Variants in NRXN1 observed in about 807,000 individuals in gnomAD.
NRXN1 encodes the protein neurexin 1.
Under a neutral mutation model 150.9 loss-of-function variants are expected in NRXN1, and 39 were observed. That is an observed-to-expected ratio of 0.26 (90% CI 0.20 to 0.34). The LOEUF is 0.34. Among genes scored for constraint, NRXN1 ranks in the 10% least tolerant of loss-of-function variants. The pLI is 1.00. For missense variants in NRXN1, 1,815 were observed against 1,949.9 expected (o/e 0.93, Z 1.30); for synonymous variants, 924 against 757.0 (o/e 1.22, Z -3.62).
intron 22 of NRXN1, among the ~76,000 whole-genome samples, chr2:49,938,540 G>A (rs537179869): frequency 6.6e-6 from 1 of 152,110 alleles, no homozygotes; most frequent in East Asian, 1.9e-4. Context: ...AATGACTAAT[G>A]AGATATTTTA....
chr2:50,054,755 C>G (rs191376563), intron 20 of NRXN1, among the ~76,000 whole-genome samples, 200 bp downstream of exon 20: 3 of 152,192 alleles, frequency 2.0e-5, no homozygotes, highest in Non-Finnish European at 2.9e-5. Context: ...GATTATTAAA[C>G]AGCTGGTACG....
intron 17 of NRXN1, among the ~76,000 whole-genome samples, chr2:50,375,886 C>T (rs1020669807): frequency 2.6e-5 from 4 of 151,520 alleles, no homozygotes; most frequent in South Asian, 2.1e-4. Context: ...TTTTAGGCTC[C>T]GAAATAAGAA....
At chr2:50,940,747 G>A (rs1457111866) in intron 2 of NRXN1, among the ~76,000 whole-genome samples, 1 of 152,030 alleles carries the variant, frequency 6.6e-6, no homozygotes, top group Non-Finnish European at 1.5e-5. Flanking sequence ...GTTTGGTTTT[G>A]TTTTGTTTTG....
At chr2:50,282,511 G>A (rs2071592415) in intron 17 of NRXN1, among the ~76,000 whole-genome samples, 1 of 151,908 alleles carries the variant, frequency 6.6e-6, no homozygotes, top group African/African-American at 2.4e-5. Context: ...CGTATACCTG[G>A]GTTCCACGGG....
chr2:50,583,990 T>C (rs985942924), intron 8 of NRXN1, among the ~76,000 whole-genome samples: 1 of 152,164 alleles, frequency 6.6e-6, no homozygotes, highest in East Asian at 1.9e-4. Flanking sequence ...GTTTGTTGAA[T>C]CACAACCATG....
At chr2:50,993,383 T>A (rs1473918838) in intron 2 of NRXN1, among the ~76,000 whole-genome samples, 1 of 151,924 alleles carries the variant, frequency 6.6e-6, no homozygotes, top group East Asian at 1.9e-4. Context: ...TTATAGTACT[T>A]TTTTATTTAT....
intron 15 of NRXN1, among the ~76,000 whole-genome samples, chr2:50,484,046 C>T (rs544781300): frequency 1.2e-4 from 18 of 152,254 alleles, no homozygotes; most frequent in African/African-American, 4.3e-4. Flanking sequence ...TAATACGTCT[C>T]TTTAATGTAG....
At chr2:50,205,568 T>C (rs1015022967) in intron 18 of NRXN1, among the ~76,000 whole-genome samples, 5 of 152,060 alleles carry the variant, frequency 3.3e-5, no homozygotes, top group Non-Finnish European at 5.9e-5. Flanking sequence ...TAAAATTCTA[T>C]GTTGTATAAG....
At chr2:49,928,898 G>A (rs983894640) in intron 22 of NRXN1, among the ~76,000 whole-genome samples, 1 of 152,018 alleles carries the variant, frequency 6.6e-6, no homozygotes. Context: ...GTACACTTAC[G>A]GAGGTCAGAC....
chr2:50,304,831 G>A (rs896117687), intron 17 of NRXN1, among the ~76,000 whole-genome samples: 3 of 151,998 alleles, frequency 2.0e-5, no homozygotes, highest in Admixed American at 6.6e-5. Context: ...GGTGGCTCAC[G>A]CTATAATCCC....
intron 5 of NRXN1, among the ~76,000 whole-genome samples, chr2:50,701,183 T>C (rs375931105): frequency 2.0e-5 from 3 of 152,140 alleles, no homozygotes; most frequent in Non-Finnish European, 2.9e-5. Context: ...ATTTCTACTA[T>C]CTAATTTTTT....
At chr2:50,006,396 C>T (rs1684771528) in intron 21 of NRXN1, among the ~76,000 whole-genome samples, 1 of 152,108 alleles carries the variant, frequency 6.6e-6, no homozygotes, top group East Asian at 1.9e-4. Context: ...GCTTAAAAAA[C>T]ATCAATTGCT....
rs753264637 is a variant in NRXN1 at position 50,620,073 on chromosome 2, G to T, written c.1269C>A (p.Ala423=). 1 of 1,612,152 alleles carries T rather than the reference G, an allele frequency of 6.2e-7. No individual in the cohort carries two copies. Among genetic ancestry groups the T allele is most frequent in the Admixed American group, 1.7e-5 (1 of 59,816 alleles). Residue 423 remains alanine, a synonymous_variant, in exon 8 of 23, where the codon GCC becomes GCA. Coordinates refer to ENST00000401669, the MANE Select transcript of NRXN1 (RefSeq NM_001330078.2). ...FFYVGGSPST[A]DLPGSPVSNN... ...TACTGACTGGTGACCCTGGAAGGTC[G>T]GCTGTGCTGGGACTGCCTCCAACAT... is the stretch of plus-strand genomic sequence containing the variant.
At chr2:50,170,752 C>G (rs2059978661) in intron 18 of NRXN1, among the ~76,000 whole-genome samples, 1 of 146,320 alleles carries the variant, frequency 6.8e-6, no homozygotes, top group South Asian at 2.2e-4. Context: ...CTCTCTCTGT[C>G]TGTCGTGTGT....
intron 2 of NRXN1, chr2:50,979,221 T>C (rs780181665): frequency 3.9e-6 from 2 of 514,614 alleles, no homozygotes; most frequent in South Asian, 2.8e-5. Context: ...CTCTGTGATA[T>C]GAGAAAAGAC....
chr2:50,736,560 C>T (rs868617629), intron 5 of NRXN1, among the ~76,000 whole-genome samples: 3 of 152,086 alleles, frequency 2.0e-5, no homozygotes, highest in East Asian at 3.9e-4. Context: ...ATCACGAGGG[C>T]GGTTTCCACC....
At position 51,028,342 on chromosome 2, in the gene NRXN1, C is replaced by A; in HGVS notation, c.-69G>T. ...GTCAAAATGGTCCTGGACACCGTGACGAAGAAATAAGGGTCCCGAGAGACA... is the reference window on the plus strand; with the variant it reads ...GTCAAAATGGTCCTGGACACCGTGAAGAAGAAATAAGGGTCCCGAGAGACA... On this transcript the variant is annotated 5_prime_UTR_variant, in exon 2 of 23. Coordinates refer to ENST00000401669, the MANE Select transcript of NRXN1 (RefSeq NM_001330078.2). 1 of 1,095,934 alleles carries A rather than the reference C, an allele frequency of 9.1e-7. No individual in the cohort carries two copies. The highest frequency in any genetic ancestry group is 3.2e-5 in the Admixed American group (1 of 30,906). The allele number at this position is 1,095,934 out of a possible 1,614,324, so 67.9% of individuals were successfully genotyped here.
chr2:50,460,116 C>T (rs532294635), intron 17 of NRXN1, among the ~76,000 whole-genome samples: 1 of 152,086 alleles, frequency 6.6e-6, no homozygotes, highest in Admixed American at 6.6e-5. Flanking sequence ...CTCTGGTTAG[C>T]TGGGCTCTGG....
At chr2:51,007,712 C>T (rs1055944914) in intron 2 of NRXN1, among the ~76,000 whole-genome samples, 2 of 151,732 alleles carry the variant, frequency 1.3e-5, no homozygotes, top group Admixed American at 6.6e-5. Context: ...CTGAGTAAAT[C>T]CTGAGATAAA....
Sources: gnomAD v4.1 joint callset for allele counts (sites outside exome capture counted in the v4.1 genomes callset) on GRCh38, gnomAD v4.1.1 for gene constraint, MANE v1.5 for transcripts, NCBI Gene and HGNC (gene_info 2026-07-23, HGNC 2026-07-21) for gene names.